SMARCC1: variants seen among roughly 807,000 people sequenced by gnomAD.
SMARCC1 encodes the protein SWI/SNF related BAF chromatin remodeling complex subunit C1, also known as SWI/SNF complex subunit SMARCC1.
In SMARCC1, 43 loss-of-function variants were observed where a neutral mutation model predicts 147.4. The observed-to-expected ratio is 0.29, with a 90% CI of 0.23 to 0.38. The LOEUF (loss-of-function observed/expected upper bound fraction) is 0.38, where lower values mean the gene tolerates loss of function less well. Ranked by LOEUF, SMARCC1 falls within the 10% of genes least tolerant of loss-of-function variation. The probability of loss-of-function intolerance (pLI) is 1.00; values close to 1 mark genes in which losing one functional copy is unlikely to be tolerated. For missense variants in SMARCC1, 1,119 were observed against 1,381.1 expected (o/e 0.81, Z 3.01); for synonymous variants, 495 against 484.4 (o/e 1.02, Z -0.29).
intron 1 of SMARCC1, among the ~76,000 whole-genome samples, chr3:47,773,504 G>T (rs1266912555): frequency 2.0e-5 from 3 of 151,346 alleles, no homozygotes; most frequent in African/African-American, 7.3e-5. Context: ...CAGCTAGGAA[G>T]CTTCACAGCA....
chr3:47,663,317 A>C (rs1411976952), intron 19 of SMARCC1, among the ~76,000 whole-genome samples: 1 of 151,982 alleles, frequency 6.6e-6, no homozygotes, highest in Non-Finnish European at 1.5e-5. Flanking sequence ...GAAAATTCTA[A>C]GGAAGCTATA....
At chr3:47,780,168 GTTTTTTTTTTTTTT>G (rs10662354) in intron 1 of SMARCC1, among the ~76,000 whole-genome samples, 1 of 61,882 alleles carries the variant, frequency 1.6e-5, no homozygotes, top group East Asian at 5.4e-4. Context: ...GTTTTTTTTT[GTTTTTTTTTTTTTT>G]TTTTTTTTGG....
At chr3:47,734,783 G>T (rs1431657737) in intron 5 of SMARCC1, among the ~76,000 whole-genome samples, 1 of 152,226 alleles carries the variant, frequency 6.6e-6, no homozygotes, top group Admixed American at 6.5e-5. Flanking sequence ...ATTTTTCTGA[G>T]ACGGAGTCTC....
chr3:47,772,701 GCTT>G, intron 2 of SMARCC1, 113 bp downstream of exon 2: 1 of 978,414 alleles, frequency 1.0e-6, no homozygotes, highest in Non-Finnish European at 1.5e-6. Context: ...TTTGTTTTTT[GCTT>G]TTTTTTTTTA....
Position 47,661,377 on chromosome 3 carries a change from C to A in SMARCC1, c.2237G>T (p.Arg746Leu). Residue 746 changes from arginine (R) to leucine (L), a missense_variant, in exon 21 of 28, where the codon CGA (arginine) becomes CTA (leucine). Arg to Leu is a moderately radical substitution (Grantham distance 102). Coordinates refer to ENST00000254480, the MANE Select transcript of SMARCC1 (RefSeq NM_003074.4). ...AHVKKVQEAA[R>L]ASGKVDPTYG... Reference sequence around the variant, plus strand: ...GGTGGGATCCACTTTCCCAGAGGCTCGTGCTGCTTCTTGTACTTTCTTGAC... The same window carrying A: ...GGTGGGATCCACTTTCCCAGAGGCTAGTGCTGCTTCTTGTACTTTCTTGAC... 2 of 1,613,888 alleles carry A rather than the reference C, an allele frequency of 1.2e-6. 1 individual carries two copies. The highest frequency in any genetic ancestry group is 2.2e-5 in the South Asian group (2 of 91,062).
chr3:47,702,351 A>G (rs557715686), intron 10 of SMARCC1, among the ~76,000 whole-genome samples: 38 of 152,262 alleles, frequency 2.5e-4, no homozygotes, highest in African/African-American at 8.9e-4. Context: ...TAGAAGTATT[A>G]TATTTCAGTG....
intron 9 of SMARCC1, among the ~76,000 whole-genome samples, chr3:47,709,565 A>G (rs750265358): frequency 1.3e-5 from 2 of 152,070 alleles, no homozygotes; most frequent in Non-Finnish European, 2.9e-5. Context: ...ACGTGCCTGT[A>G]GTCCCAACTA....
At chr3:47,684,849 A>G (rs1038199993) in intron 14 of SMARCC1, among the ~76,000 whole-genome samples, 3 of 152,112 alleles carry the variant, frequency 2.0e-5, no homozygotes, top group African/African-American at 7.2e-5. Flanking sequence ...GTTTTTTCCT[A>G]CGTATACACA....
intron 21 of SMARCC1, among the ~76,000 whole-genome samples, chr3:47,640,095 C>G (rs902378258): frequency 5.3e-5 from 8 of 151,958 alleles, no homozygotes; most frequent in Non-Finnish European, 1.2e-4. Context: ...TGCATGGAAA[C>G]TTAATTGTGG....
At chr3:47,735,977 CA>C (rs1223370073) in intron 5 of SMARCC1, 56 bp downstream of exon 5, 1 of 761,318 alleles carries the variant, frequency 1.3e-6, no homozygotes, top group African/African-American at 1.8e-5. Context: ...TAGAGGCTTA[CA>C]ACTACAAAAT....
At chr3:47,693,197 C>T in intron 12 of SMARCC1, 44 bp downstream of exon 12, 1 of 1,126,208 alleles carries the variant, frequency 8.9e-7, no homozygotes, top group Non-Finnish European at 1.3e-6. Flanking sequence ...ATGACATATT[C>T]AAGACAGAAA....
chr3:47,604,279 G>A (rs1559623627), intron 26 of SMARCC1: 2 of 456,612 alleles, frequency 4.4e-6, no homozygotes, highest in East Asian at 6.9e-5. Context: ...AGGCCAGAGA[G>A]ATGAAAAATT....
intron 26 of SMARCC1, among the ~76,000 whole-genome samples, chr3:47,608,317 A>AC (rs55905363): frequency 0.9 from 137,428 of 152,142 alleles, 63,749 homozygotes; most frequent in East Asian, 1. Flanking sequence ...CGAACTCCTG[A>AC]CTCAGGTGAT....
intron 4 of SMARCC1, among the ~76,000 whole-genome samples, chr3:47,736,502 T>A (rs1249818167): frequency 7.1e-6 from 1 of 140,348 alleles, no homozygotes; most frequent in Non-Finnish European, 1.6e-5. Context: ...GGTGAAACCC[T>A]GTCTCTACTA....
intron 9 of SMARCC1, among the ~76,000 whole-genome samples, chr3:47,708,363 A>T (rs2034042634): frequency 6.6e-6 from 1 of 150,938 alleles, no homozygotes; most frequent in Non-Finnish European, 1.5e-5. Flanking sequence ...CTAGTCTTGG[A>T]CTCCTGGGCT....
At chr3:47,667,281 G>C (rs1412815265) in intron 19 of SMARCC1, among the ~76,000 whole-genome samples, 1 of 149,908 alleles carries the variant, frequency 6.7e-6, no homozygotes, top group African/African-American at 2.5e-5. Flanking sequence ...TCACGCCACT[G>C]CACTCCAGCC....
At chr3:47,590,970 GTAA>G in intron 26 of SMARCC1, 133 bp from the exon 27 acceptor site, 1 of 783,612 alleles carries the variant, frequency 1.3e-6, no homozygotes, top group East Asian at 2.9e-5. Context: ...GCAATAATCT[GTAA>G]TAATCTCTAT....
chr3:47,601,200 T>C (rs1477266567), intron 26 of SMARCC1, among the ~76,000 whole-genome samples: 1 of 152,062 alleles, frequency 6.6e-6, no homozygotes, highest in East Asian at 1.9e-4. Flanking sequence ...TAGGTTTAAC[T>C]AGTAGAAAAA....
At position 47,696,379 on chromosome 3, in the gene SMARCC1, CAAAACAAAACAAA is replaced by C. The variant is rs574449089; in HGVS notation, c.1166-3092_1166-3080del. 1.7e-3 allele frequency among the ~76,000 whole-genome samples: 261 copies of C among 151,770 alleles called. 3 individuals are homozygous for C. Among genetic ancestry groups the C allele is most frequent in the African/African-American group, 6.0e-3 (248 of 41,402 alleles). ...ACAGAGCGAGACTCTGTCTCAGAAACAAAACAAAACAAAAAAACAAAACACAAACAAATTTATA... is the reference window on the plus strand; with the variant it reads ...ACAGAGCGAGACTCTGTCTCAGAAACAAAACAAAACACAAACAAATTTATA... On this transcript the variant is annotated intron_variant, in intron 11 of 27. Coordinates refer to ENST00000254480, the MANE Select transcript of SMARCC1 (RefSeq NM_003074.4).
Sources: gnomAD v4.1 joint callset for allele counts (sites outside exome capture counted in the v4.1 genomes callset) on GRCh38, gnomAD v4.1.1 for gene constraint, MANE v1.5 for transcripts, NCBI Gene and HGNC (gene_info 2026-07-23, HGNC 2026-07-21) for gene names.